Variants in SLC14A2 observed in about 807,000 individuals in gnomAD.
SLC14A2 encodes urea transporter 2.
SLC14A2 carries 91 observed loss-of-function variants against 104.6 expected under a neutral mutation model. The observed-to-expected ratio is 0.87, with a 90% CI of 0.73 to 1.04. The LOEUF is 1.04. Among genes scored for constraint, SLC14A2 ranks in the 50% least tolerant of loss-of-function variants. The pLI is 0.00. For missense variants in SLC14A2, 1,189 were observed against 1,156.0 expected (o/e 1.03, Z -0.41); for synonymous variants, 476 against 466.4 (o/e 1.02, Z -0.27).
At chr18:45,285,360 G>A (rs1431459452) in intron 1 of SLC14A2, among the ~76,000 whole-genome samples, 1 of 152,208 alleles carries the variant, frequency 6.6e-6, no homozygotes, top group African/African-American at 2.4e-5. Context: ...CTGGACTACA[G>A]TGGAGAACAG....
At chr18:45,449,901 T>G (rs748032473) in intron 1 of SLC14A2, among the ~76,000 whole-genome samples, 4 of 152,178 alleles carry the variant, frequency 2.6e-5, no homozygotes, top group Non-Finnish European at 5.9e-5. Flanking sequence ...TCCAGCCTCA[T>G]GCTGCAGAAG....
At chr18:45,443,081 G>A (rs1361181168) in intron 1 of SLC14A2, among the ~76,000 whole-genome samples, 1 of 152,200 alleles carries the variant, frequency 6.6e-6, no homozygotes, top group Non-Finnish European at 1.5e-5. Context: ...ATTTAACCAT[G>A]AGATTTATCC....
intron 2 of SLC14A2, among the ~76,000 whole-genome samples, chr18:45,571,765 G>A (rs2044349276): frequency 6.6e-6 from 1 of 152,236 alleles, no homozygotes; most frequent in African/African-American, 2.4e-5. Flanking sequence ...GACAACGGCA[G>A]TCTGATCCAT....
intron 16 of SLC14A2, among the ~76,000 whole-genome samples, chr18:45,670,591 G>A (rs753463919): frequency 6.6e-6 from 1 of 152,194 alleles, no homozygotes; most frequent in African/African-American, 2.4e-5. Context: ...ACAGCGTGGT[G>A]TAGTAGAAAG....
intron 1 of SLC14A2, among the ~76,000 whole-genome samples, chr18:45,402,211 T>C (rs954734677): frequency 1.3e-5 from 2 of 152,148 alleles, no homozygotes; most frequent in African/African-American, 4.8e-5. Flanking sequence ...TATTCCAGCC[T>C]TCTCACCCAG....
chr18:45,376,989 T>C (rs890565636), intron 1 of SLC14A2, among the ~76,000 whole-genome samples: 1 of 152,292 alleles, frequency 6.6e-6, no homozygotes, highest in East Asian at 1.9e-4. Flanking sequence ...CTCAAAATGT[T>C]CCTTTACTTC....
chr18:45,668,300 AG>A, intron 14 of SLC14A2, 48 bp from the exon 15 acceptor site: 1 of 1,602,098 alleles, frequency 6.2e-7, no homozygotes, highest in Non-Finnish European at 8.5e-7. Context: ...GAAAATGTAA[AG>A]GGCCCTGGGG....
intron 1 of SLC14A2, among the ~76,000 whole-genome samples, chr18:45,343,569 C>T (rs556310291): frequency 9.9e-5 from 15 of 152,254 alleles, no homozygotes; most frequent in African/African-American, 2.9e-4. Context: ...CTTTTTATCT[C>T]GCCTTTGTAA....
At chr18:45,412,963 G>A (rs1244045071) in intron 1 of SLC14A2, among the ~76,000 whole-genome samples, 1 of 152,144 alleles carries the variant, frequency 6.6e-6, no homozygotes, top group East Asian at 1.9e-4. Context: ...GCAAAAGTGC[G>A]GGGACCAGAT....
chr18:45,551,431 G>A (rs1306910703), intron 2 of SLC14A2, among the ~76,000 whole-genome samples: 1 of 152,234 alleles, frequency 6.6e-6, no homozygotes, highest in Non-Finnish European at 1.5e-5. Context: ...CAAGGGCTTG[G>A]AACTCACCAA....
At chr18:45,381,776 G>C (rs914103777) in intron 1 of SLC14A2, among the ~76,000 whole-genome samples, 1 of 152,104 alleles carries the variant, frequency 6.6e-6, no homozygotes, top group African/African-American at 2.4e-5. Flanking sequence ...AGGTTTGAGA[G>C]GCCAAATAAG....
intron 18 of SLC14A2, among the ~76,000 whole-genome samples, chr18:45,674,298 C>T (rs1344432393): frequency 6.6e-6 from 1 of 152,114 alleles, no homozygotes; most frequent in Admixed American, 6.5e-5. Flanking sequence ...TTGAGCAGAA[C>T]ATTTAAAACA....
intron 1 of SLC14A2, among the ~76,000 whole-genome samples, chr18:45,407,560 C>T (rs893208300): frequency 6.6e-6 from 1 of 152,236 alleles, no homozygotes; most frequent in Non-Finnish European, 1.5e-5. Flanking sequence ...ACTTGGCTAA[C>T]TGGCTCAAGA....
At position 45,387,183 on chromosome 18, in the gene SLC14A2, T is replaced by C. The variant is rs16978356; in HGVS notation, c.-124-96050T>C. ...TTACAACTTCTGTATGTTACAACCATGTATGGCCATCTCTTTTTTCTGTCT... is the reference window on the plus strand; with the variant it reads ...TTACAACTTCTGTATGTTACAACCACGTATGGCCATCTCTTTTTTCTGTCT... On this transcript the variant is annotated intron_variant, in intron 1 of 20. Coordinates refer to the SLC14A2 transcript ENST00000586448. Among the ~76,000 whole-genome samples the C allele has an allele frequency of 9.9e-3, 1,509 of 152,322 alleles. 30 individuals carry two copies. Among genetic ancestry groups the C allele is most frequent in the African/African-American group, 0.035 (1,444 of 41,564 alleles).
At chr18:45,526,393 C>T (rs1284190504) in intron 2 of SLC14A2, among the ~76,000 whole-genome samples, 1 of 152,172 alleles carries the variant, frequency 6.6e-6, no homozygotes, top group Non-Finnish European at 1.5e-5. Flanking sequence ...TTTCTGAAGG[C>T]ATTAACCAAT....
At chr18:45,472,014 C>T (rs1479801685) in intron 1 of SLC14A2, among the ~76,000 whole-genome samples, 1 of 152,090 alleles carries the variant, frequency 6.6e-6, no homozygotes, top group East Asian at 1.9e-4. Flanking sequence ...TCTCCTAATG[C>T]TATCCTTCCC....
intron 2 of SLC14A2, among the ~76,000 whole-genome samples, chr18:45,598,271 C>A (rs1268117762): frequency 6.6e-6 from 1 of 152,020 alleles, no homozygotes; most frequent in Non-Finnish European, 1.5e-5. Context: ...AGCTCCAGTT[C>A]CCTGTTTGAA....
intron 1 of SLC14A2, among the ~76,000 whole-genome samples, chr18:45,452,696 G>C (rs1440055516): frequency 1.3e-5 from 2 of 152,166 alleles, no homozygotes; most frequent in Non-Finnish European, 2.9e-5. Context: ...TGGCTCCTGG[G>C]ACAGCCACTC....
At chr18:45,432,546 C>G (rs2086533337) in intron 1 of SLC14A2, among the ~76,000 whole-genome samples, 1 of 152,062 alleles carries the variant, frequency 6.6e-6, no homozygotes, top group Non-Finnish European at 1.5e-5. Flanking sequence ...TAGAAAATAC[C>G]CAGAGTGATC....
Sources: allele counts gnomAD v4.1 joint callset (sites outside exome capture counted in the v4.1 genomes callset), GRCh38; gene constraint gnomAD v4.1.1; transcripts MANE v1.5; gene names NCBI Gene and HGNC (gene_info 2026-07-23, HGNC 2026-07-21).